The following CORO2B variants were observed in gnomAD, a reference collection of about 807,000 sequenced individuals.
CORO2B encodes coronin-2B.
In CORO2B, 26 loss-of-function variants were observed where a neutral mutation model predicts 58.8. That is an observed-to-expected ratio of 0.44 (90% CI 0.32 to 0.61). The LOEUF is 0.61. CORO2B is among the 20% of genes least tolerant of loss of function. The pLI, the probability that CORO2B is intolerant of heterozygous loss-of-function variation, is 0.04. For missense variants in CORO2B, 460 were observed against 645.1 expected, an observed-to-expected ratio of 0.71 and a Z score of 3.11; for synonymous variants, 242 against 253.8, an observed-to-expected ratio of 0.95 and a Z score of 0.44.
chr15:68,610,513 C>G (rs1158359743), intron 1 of CORO2B, among the ~76,000 whole-genome samples: 1 of 152,108 alleles, frequency 6.6e-6, no homozygotes, highest in Non-Finnish European at 1.5e-5. Flanking sequence ...CTCACATCCC[C>G]TCCCTCATAC....
At chr15:68,578,060 T>C (rs1289392231), upstream of CORO2B, among the ~76,000 whole-genome samples, 1 of 152,214 alleles carries the variant, frequency 6.6e-6, no homozygotes, top group Non-Finnish European at 1.5e-5. The surrounding 1 kb of genome is among the most constrained non-coding windows in gnomAD (Gnocchi z 4.2). Flanking sequence ...AAACCGGTTC[T>C]GCTCAGGTGC....
the CORO2B span, among the ~76,000 whole-genome samples, chr15:68,542,802 G>C: frequency 1.3e-5 from 2 of 152,254 alleles, no homozygotes; most frequent in Non-Finnish European, 2.9e-5. Context: ...AGAGAGCAGA[G>C]GTATGCAGTG....
intron 1 of CORO2B, among the ~76,000 whole-genome samples, chr15:68,600,826 C>T (rs775028965): frequency 1.3e-4 from 20 of 152,200 alleles, no homozygotes; most frequent in African/African-American, 4.1e-4. Flanking sequence ...GTCTGGTCCC[C>T]CACGGGGAGA....
intron 3 of CORO2B, among the ~76,000 whole-genome samples, chr15:68,709,278 A>G (rs533411063): frequency 7.4e-4 from 112 of 152,226 alleles, no homozygotes; most frequent in African/African-American, 2.6e-3. Context: ...CTGATTTATA[A>G]TACTACCAAC....
At chr15:68,708,357 CTTTTTTTTTTTT>C (rs921103212) in intron 3 of CORO2B, among the ~76,000 whole-genome samples, 6 of 114,966 alleles carry the variant, frequency 5.2e-5, no homozygotes, top group Admixed American at 9.4e-5. Context: ...TTTTTTTCTT[CTTTTTTTTTTTT>C]TTTTTTTTTG....
At chr15:68,668,806 T>C (rs67778935) in intron 2 of CORO2B, among the ~76,000 whole-genome samples, 53,167 of 152,016 alleles carry the variant, frequency 0.35, 9,998 homozygotes, top group African/African-American at 0.49. Context: ...AGGCCGAGCA[T>C]GGTGGCTCAC....
intron 2 of CORO2B, among the ~76,000 whole-genome samples, chr15:68,652,509 T>A (rs1299590243): frequency 2.0e-5 from 3 of 152,186 alleles, no homozygotes; most frequent in Non-Finnish European, 1.5e-5. Context: ...AGCTACCTGC[T>A]ACCCCAACTG....
chr15:68,667,789 G>A (rs1408219069), intron 2 of CORO2B, among the ~76,000 whole-genome samples: 1 of 152,152 alleles, frequency 6.6e-6, no homozygotes, highest in Non-Finnish European at 1.5e-5. Flanking sequence ...AGTGGAGGGA[G>A]TTGCTGGAAA....
rs1329167134 is a variant in CORO2B, at chr15:68,605,723, T to TG, written c.15+26446_15+26447insG. 7.6e-4 allele frequency among the ~76,000 whole-genome samples: 104 copies of TG among 137,578 alleles called. 1 individual carries two copies. Among genetic ancestry groups the TG allele is most frequent in the African/African-American group, 2.6e-3 (94 of 36,434 alleles). The allele number at this position is 137,578 out of a possible 152,430, so 90.3% of individuals were successfully genotyped here. A position where few individuals can be genotyped will look rare whatever the true frequency, so the allele number is the denominator to read the frequency against. On this transcript the variant is annotated intron_variant, in intron 1 of 11. Coordinates refer to ENST00000261861, the MANE Select transcript of CORO2B (RefSeq NM_006091.5). ...AGAGGGCTCTTGGGTTTTTTTTTTT[T>TG]TTTTTTTTTTTTTTTTTGAGATGGA... is the stretch of plus-strand genomic sequence containing the variant.
At chr15:68,652,640 C>T (rs1901678636) in intron 2 of CORO2B, among the ~76,000 whole-genome samples, 2 of 152,238 alleles carry the variant, frequency 1.3e-5, no homozygotes, top group African/African-American at 4.8e-5. Context: ...GGTGCATTCT[C>T]CTTCCCCACC....
the CORO2B span, among the ~76,000 whole-genome samples, chr15:68,553,524 A>G: frequency 3.1e-3 from 466 of 152,362 alleles, 1 homozygote; most frequent in African/African-American, 4.6e-3. Context: ...AGCCATGCCA[A>G]CGCCTTGGTT....
At chr15:68,558,144 G>A in the CORO2B span, among the ~76,000 whole-genome samples, 5 of 152,138 alleles carry the variant, frequency 3.3e-5, no homozygotes, top group Non-Finnish European at 4.4e-5. Context: ...CCAGCCTGGC[G>A]GAGGGCAGAT....
intron 1 of CORO2B, among the ~76,000 whole-genome samples, chr15:68,633,627 A>G (rs74373830): frequency 0.018 from 2,702 of 152,104 alleles, 93 homozygotes; most frequent in African/African-American, 0.061. Context: ...CCTGGTATCT[A>G]TTTCTTTATG....
chr15:68,723,844 G>A (rs1282105609), intron 11 of CORO2B, among the ~76,000 whole-genome samples: 1 of 152,186 alleles, frequency 6.6e-6, no homozygotes, highest in Non-Finnish European at 1.5e-5. Flanking sequence ...GGAGGCTCAG[G>A]TGGGAAGATC....
intron 2 of CORO2B, among the ~76,000 whole-genome samples, chr15:68,676,478 C>A (rs113184541): frequency 6.6e-6 from 1 of 152,172 alleles, no homozygotes; most frequent in African/African-American, 2.4e-5. Flanking sequence ...GGATAACCAC[C>A]GCTGCCTAAA....
At chr15:68,664,722 G>A (rs1902133830) in intron 2 of CORO2B, among the ~76,000 whole-genome samples, 1 of 152,130 alleles carries the variant, frequency 6.6e-6, no homozygotes, top group Non-Finnish European at 1.5e-5. Context: ...AAGCTGATGA[G>A]TGGGAAACTT....
At chr15:68,585,591 C>T (rs1899532425) in intron 1 of CORO2B, among the ~76,000 whole-genome samples, 1 of 152,214 alleles carries the variant, frequency 6.6e-6, no homozygotes, top group Non-Finnish European at 1.5e-5. Flanking sequence ...TTTCATCTCA[C>T]TTCCAGGCCT....
At chr15:68,612,431 A>G (rs1900267228) in intron 1 of CORO2B, among the ~76,000 whole-genome samples, 1 of 152,220 alleles carries the variant, frequency 6.6e-6, no homozygotes, top group Admixed American at 6.5e-5. Flanking sequence ...AGAATGAGAA[A>G]TGTCCAACAC....
At chr15:68,611,684 G>A (rs1900251743) in intron 1 of CORO2B, among the ~76,000 whole-genome samples, 2 of 151,706 alleles carry the variant, frequency 1.3e-5, no homozygotes, top group Non-Finnish European at 1.5e-5. Flanking sequence ...TGATTTTTAT[G>A]CCTATATAAT....
Sources: gnomAD v4.1 joint callset for allele counts (sites outside exome capture counted in the v4.1 genomes callset) on GRCh38, gnomAD v4.1.1 for gene constraint, Gnocchi (gnomAD v3.1) non-coding constraint, MANE v1.5 for transcripts, NCBI Gene and HGNC (gene_info 2026-07-23, HGNC 2026-07-21) for gene names.